The following ADAMTSL1 variants were observed in gnomAD, a reference collection of about 807,000 sequenced individuals.
ADAMTSL1 encodes the protein ADAMTS-like protein 1.
A neutral mutation model predicts 201.8 loss-of-function variants in ADAMTSL1; 126 were observed. The observed-to-expected ratio is 0.62, with a 90% CI of 0.54 to 0.72. The LOEUF (loss-of-function observed/expected upper bound fraction) is 0.72, where lower values mean the gene tolerates loss of function less well. Among genes scored for constraint, ADAMTSL1 ranks in the 30% least tolerant of loss-of-function variants. The pLI is 0.00. For missense variants in ADAMTSL1, 2,679 were observed against 2,277.8 expected (o/e 1.18, Z -3.59); for synonymous variants, 1,121 against 903.4 (o/e 1.24, Z -4.32).
At chr9:18,737,817 A>G (rs1437471554) in intron 15 of ADAMTSL1, among the ~76,000 whole-genome samples, 1 of 152,214 alleles carries the variant, frequency 6.6e-6, no homozygotes, top group Non-Finnish European at 1.5e-5. Flanking sequence ...AATGTTTTCC[A>G]ATTTTGAGCT....
chr9:17,914,215 C>A (rs1264240602), intron 1 of ADAMTSL1, among the ~76,000 whole-genome samples: 1 of 152,030 alleles, frequency 6.6e-6, no homozygotes, highest in East Asian at 1.9e-4. Context: ...GGAGACACAA[C>A]CAAAAAAGAG....
rs1399643190 is a variant in ADAMTSL1 at position 18,910,931 on chromosome 9, A to G, written c.*2383A>G. ...TGTATTTGTATTTTTTGTACAGATA[A>G]TACAGCTTATTTATTTAAATCTTGT... is the stretch of plus-strand genomic sequence containing the variant. On this transcript the variant is annotated 3_prime_UTR_variant, in exon 29 of 29. Coordinates refer to ENST00000380548, the MANE Select transcript of ADAMTSL1 (RefSeq NM_001040272.6). 1.3e-5 allele frequency: 2 copies of G among 152,236 alleles called. No individual in the cohort carries two copies. The highest frequency in any genetic ancestry group is 4.8e-5 in the African/African-American group (2 of 41,446). 9.4% of individuals were successfully genotyped at this position (152,236 alleles called of 1,614,324 possible).
chr9:18,081,723 A>G (rs1823507234), intron 1 of ADAMTSL1, among the ~76,000 whole-genome samples: 1 of 152,196 alleles, frequency 6.6e-6, no homozygotes, highest in East Asian at 1.9e-4. Flanking sequence ...CAAAAATTGA[A>G]TCCTTTATTT....
At chr9:18,421,939 A>G (rs887395563) in intron 2 of ADAMTSL1, among the ~76,000 whole-genome samples, 1 of 152,240 alleles carries the variant, frequency 6.6e-6, no homozygotes, top group Non-Finnish European at 1.5e-5. Context: ...TTCTTTCATC[A>G]TCATTTGCTG....
Position 18,474,186 on chromosome 9 carries a change from T to C in ADAMTSL1, c.-47T>C, listed in dbSNP as rs750277177. The C allele has an allele frequency of 6.3e-7, 1 of 1,593,318 alleles. No individual in the cohort carries two copies. Among genetic ancestry groups the C allele is most frequent in the South Asian group, 1.1e-5 (1 of 90,506 alleles). ...ATGTGACAGCAGGCAGAGGAGCACT[T>C]AGCAGCTTATTCAGTGTCCGATTCT... On this transcript the variant is annotated 5_prime_UTR_variant, in exon 1 of 29. Coordinates refer to ENST00000380548, the MANE Select transcript of ADAMTSL1 (RefSeq NM_001040272.6).
At chr9:18,058,169 G>A (rs1822281043) in intron 1 of ADAMTSL1, among the ~76,000 whole-genome samples, 1 of 152,210 alleles carries the variant, frequency 6.6e-6, no homozygotes, top group African/African-American at 2.4e-5. Flanking sequence ...GAATGCAAGA[G>A]TATTTTGAGT....
chr9:18,472,541 C>G (rs1474791290), upstream of ADAMTSL1, among the ~76,000 whole-genome samples: 1 of 152,174 alleles, frequency 6.6e-6, no homozygotes, highest in Non-Finnish European at 1.5e-5. Flanking sequence ...AAGTTTCTCT[C>G]TCTTTAATTG....
At chr9:18,555,761 T>C (rs995709533) in intron 3 of ADAMTSL1, among the ~76,000 whole-genome samples, 2 of 151,922 alleles carry the variant, frequency 1.3e-5, no homozygotes, top group Non-Finnish European at 1.5e-5. Context: ...TATTGGATCA[T>C]GTCAGCCAGA....
chr9:18,639,430 C>A lies in ADAMTSL1; in HGVS notation c.834+19C>A. On this transcript the variant is annotated intron_variant, in intron 7 of 28. Transcript: ENST00000380548. ...TGTCAAGGTGAGCCCTATTTAGATA[C>A]CTCCTTTTCAAGCCACATCCCAAAT... 1.9e-6 allele frequency: 3 copies of A among 1,603,194 alleles called. No individual in the cohort carries two copies. The highest frequency in any genetic ancestry group is 2.6e-6 in the Non-Finnish European group (3 of 1,173,824).
intron 2 of ADAMTSL1, among the ~76,000 whole-genome samples, chr9:18,509,355 A>G (rs1435125115): frequency 6.6e-6 from 1 of 151,992 alleles, no homozygotes. Flanking sequence ...GCAAGAATTT[A>G]TTAGTTTACT....
chr9:18,360,595 G>A (rs1009512367), intron 2 of ADAMTSL1: 2 of 152,148 alleles, frequency 1.3e-5, no homozygotes, highest in South Asian at 4.1e-4. Flanking sequence ...TGACTGAGGG[G>A]AGGCTGTTAC....
At chr9:18,330,537 G>A (rs995852560) in intron 2 of ADAMTSL1, among the ~76,000 whole-genome samples, 3 of 151,856 alleles carry the variant, frequency 2.0e-5, no homozygotes, top group South Asian at 2.1e-4. Flanking sequence ...TTATCATTCC[G>A]AGATGAATTC....
At chr9:18,155,389 A>G (rs1000224621) in intron 1 of ADAMTSL1, among the ~76,000 whole-genome samples, 1 of 152,024 alleles carries the variant, frequency 6.6e-6, no homozygotes, top group Non-Finnish European at 1.5e-5. Flanking sequence ...GGTGATGATG[A>G]TGGAGATAAA....
intron 2 of ADAMTSL1, among the ~76,000 whole-genome samples, chr9:18,182,367 G>A (rs1427814974): frequency 2.6e-5 from 4 of 151,922 alleles, no homozygotes; most frequent in African/African-American, 9.7e-5. Context: ...CCCTTTGAAG[G>A]ATGACTTCTA....
intron 2 of ADAMTSL1, among the ~76,000 whole-genome samples, chr9:18,459,770 A>T (rs1820740891): frequency 6.6e-6 from 1 of 152,232 alleles, no homozygotes; most frequent in Non-Finnish European, 1.5e-5. Flanking sequence ...TTGAGAGCTT[A>T]TTAACCCACA....
At chr9:18,675,226 C>T (rs1830069212) in intron 9 of ADAMTSL1, among the ~76,000 whole-genome samples, 1 of 152,138 alleles carries the variant, frequency 6.6e-6, no homozygotes, top group Non-Finnish European at 1.5e-5. Flanking sequence ...TTTTAACTGC[C>T]TACCTTTATT....
chr9:17,965,538 T>G (rs576057318), intron 1 of ADAMTSL1, among the ~76,000 whole-genome samples: 1 of 152,332 alleles, frequency 6.6e-6, no homozygotes, highest in Admixed American at 6.5e-5. Flanking sequence ...CATCGCTTAT[T>G]ATTTTAACTT....
intron 4 of ADAMTSL1, among the ~76,000 whole-genome samples, chr9:18,618,707 T>C (rs2132652341): frequency 6.6e-6 from 1 of 152,210 alleles, no homozygotes; most frequent in Middle Eastern, 3.4e-3. Context: ...CCAAGATGGC[T>C]GCTAGAGCCA....
chr9:18,899,030 C>G (rs1205129700), intron 26 of ADAMTSL1, among the ~76,000 whole-genome samples: 1 of 152,134 alleles, frequency 6.6e-6, no homozygotes, highest in Non-Finnish European at 1.5e-5. Context: ...GATGATATGA[C>G]CCTTTATCTA....
Sources: allele counts gnomAD v4.1 joint callset (sites outside exome capture counted in the v4.1 genomes callset), GRCh38; gene constraint gnomAD v4.1.1; transcripts MANE v1.5; gene names NCBI Gene and HGNC (gene_info 2026-07-23, HGNC 2026-07-21).